The following CHEK2 variants were observed in gnomAD, a reference collection of about 807,000 sequenced individuals.
The protein encoded by CHEK2 is checkpoint kinase 2, also known as serine/threonine-protein kinase Chk2.
A neutral mutation model predicts 69.1 loss-of-function variants in CHEK2; 71 were observed. That is an observed-to-expected ratio of 1.03 (90% CI 0.85 to 1.25). The LOEUF (loss-of-function observed/expected upper bound fraction) is 1.25. Among genes scored for constraint, CHEK2 ranks in the 50% most tolerant of loss-of-function variants. The probability of loss-of-function intolerance (pLI) is 0.00; values close to 1 mark genes in which losing one functional copy is unlikely to be tolerated. For missense variants in CHEK2, 664 were observed against 649.6 expected, an observed-to-expected ratio of 1.02 and a Z score of -0.24; for synonymous variants, 189 against 226.9, an observed-to-expected ratio of 0.83 and a Z score of 1.50.
chr22:28,737,214 T>C, intron 1 of CHEK2: 1 of 457,110 alleles, frequency 2.2e-6, no homozygotes, highest in South Asian at 1.6e-5. Flanking sequence ...TGCACAACTT[T>C]CTTTTTCCTT....
At chr22:28,703,417 T>A (rs2052967979) in intron 8 of CHEK2, 88 bp downstream of exon 8, 6 of 768,288 alleles carry the variant, frequency 7.8e-6, no homozygotes, top group African/African-American at 3.5e-5. Context: ...CCCCCCAGGA[T>A]GAGAAAGGCA....
chr22:28,697,978 G>C lies in CHEK2; in HGVS notation c.1009-991C>G, dbSNP rs1324111938. Among the ~76,000 whole-genome samples the C allele has an allele frequency of 2.0e-5, 3 of 152,052 alleles. No individual in the cohort carries two copies. The East Asian group carries it at 5.8e-4, about 29-fold the overall frequency. ...ATAAATAAATGGAATAAACCAATAAGGGAGCAATACACTGAGTAGGTGACA... is the reference window on the plus strand; with the variant it reads ...ATAAATAAATGGAATAAACCAATAACGGAGCAATACACTGAGTAGGTGACA... On this transcript the variant is annotated intron_variant, in intron 9 of 14. Coordinates refer to ENST00000404276, the MANE Select transcript of CHEK2 (RefSeq NM_007194.4).
Position 28,695,794 on chromosome 22 carries a change from G to T in CHEK2, c.1175C>A (p.Ala392Glu), listed in dbSNP as rs373073383. ...RTLCGTPTYL[A>E]PEVLVSVGTA... is the part of the protein sequence containing the mutation. ...CCCAACAGAAACAAGAACTTCAGGC[G>T]CCAAGTAGGTGGGGGTTCCACATAA... Residue 392 changes from alanine to glutamate, a missense_variant, in exon 11 of 15, where the codon GCG becomes GAG. Transcript: ENST00000404276. 6.2e-7 allele frequency: 1 copy of T among 1,613,708 alleles called. No homozygotes were observed. The highest frequency in any genetic ancestry group is 1.1e-5 in the South Asian group (1 of 91,056).
intron 8 of CHEK2, 34 bp downstream of exon 8, chr22:28,703,471 G>A (rs2145876058): frequency 2.7e-6 from 3 of 1,127,780 alleles, no homozygotes; most frequent in African/African-American, 1.5e-5. Context: ...GCATTTGAAT[G>A]GAAACAGAAA....
At chr22:28,705,968 A>AAAAATAAACT (rs2053120698) in intron 7 of CHEK2, among the ~76,000 whole-genome samples, 1 of 147,414 alleles carries the variant, frequency 6.8e-6, no homozygotes, top group Non-Finnish European at 1.5e-5. Context: ...AACTAAACTA[A>AAAAATAAACT]AAACTAAACT....
At chr22:28,702,446 G>A (rs566644408) in intron 8 of CHEK2, among the ~76,000 whole-genome samples, 3 of 151,218 alleles carry the variant, frequency 2.0e-5, no homozygotes, top group Admixed American at 6.6e-5. Context: ...CACCGTGTTA[G>A]CCAGGATGGC....
At chr22:28,737,515 G>A (rs1242557476) in intron 1 of CHEK2, among the ~76,000 whole-genome samples, 2 of 150,826 alleles carry the variant, frequency 1.3e-5, no homozygotes, top group African/African-American at 4.9e-5. Context: ...AGTCACCCAG[G>A]CTGGAGTGCA....
intron 2 of CHEK2, among the ~76,000 whole-genome samples, chr22:28,733,085 C>T (rs1183894366): frequency 1.3e-5 from 2 of 152,296 alleles, no homozygotes; most frequent in Middle Eastern, 3.4e-3. Context: ...AGCCACCATG[C>T]CTGGCAATGT....
chr22:28,741,683 A>G (rs1470693269), intron 1 of CHEK2, 86 bp downstream of exon 1: 1 of 209,400 alleles, frequency 4.8e-6, no homozygotes, highest in Non-Finnish European at 9.9e-6. Flanking sequence ...AGACAAAGCG[A>G]AGCTCAGGAG....
At chr22:28,722,539 CAAAAAA>C (rs755107963) in intron 4 of CHEK2, among the ~76,000 whole-genome samples, 4 of 67,928 alleles carry the variant, frequency 5.9e-5, no homozygotes, top group Non-Finnish European at 9.0e-5. Context: ...GACTCCGTCT[CAAAAAA>C]AAAAAAAAAA....
intron 14 of CHEK2, among the ~76,000 whole-genome samples, chr22:28,688,666 C>G (rs1193692331): frequency 4.0e-5 from 6 of 151,028 alleles, no homozygotes; most frequent in Non-Finnish European, 7.4e-5. Flanking sequence ...AAGACTCTGT[C>G]TCAAGAAAAA....
intron 4 of CHEK2, among the ~76,000 whole-genome samples, chr22:28,721,903 TTA>T (rs1300296294): frequency 1.3e-5 from 2 of 151,722 alleles, no homozygotes; most frequent in East Asian, 2.0e-4. Flanking sequence ...GCTAATTTTT[TTA>T]TGTTTGGCAG....
At chr22:28,708,294 G>C (rs538520396) in intron 7 of CHEK2, among the ~76,000 whole-genome samples, 4 of 151,454 alleles carry the variant, frequency 2.6e-5, no homozygotes, top group African/African-American at 9.7e-5. Context: ...GGAGTTTGAG[G>C]CTGCAGTGAG....
At chr22:28,724,679 G>A in intron 4 of CHEK2, 1 of 390,856 alleles carries the variant, frequency 2.6e-6, no homozygotes, top group Non-Finnish European at 5.0e-6. Flanking sequence ...CGATTCTCCT[G>A]CCTCAGCCTC....
At position 28,687,932 on chromosome 22, in the gene CHEK2, T is replaced by C. The variant is rs562517792; in HGVS notation, c.1597A>G (p.Thr533Ala). 71 of 1,596,430 alleles carry C rather than the reference T, an allele frequency of 4.4e-5. No homozygotes were observed. In the East Asian group the frequency reaches 1.4e-3, roughly 32 times the overall value. The change falls in exon 15 of 15, where the codon ACA becomes GCA. Residue 533 changes from threonine to alanine, a missense_variant. Transcript: ENST00000404276. ...GCAGCACACACAGCTGGGCGCTTTGTGGTCTCGGCACCCTCGGCTTCCCCT... is the reference window on the plus strand; with the variant it reads ...GCAGCACACACAGCTGGGCGCTTTGCGGTCTCGGCACCCTCGGCTTCCCCT... ...REGEAEGAET[T>A]KRPAVCAAVL
rs587782347 is a variant in CHEK2, at chr22:28,699,915, C to T, written c.931G>A (p.Asp311Asn). The T allele has an allele frequency of 1.3e-5, 21 of 1,613,922 alleles. No individual in the cohort carries two copies. The Middle Eastern group carries it at 8.2e-4, about 63-fold the overall frequency. Residue 311 changes from aspartate to asparagine, a missense_variant, in exon 9 of 15, where the codon GAC becomes AAC. Transcript: ENST00000404276. The stretch of plus-strand genomic sequence containing the variant: ...AGGCGTTTATTCCCCACCACTTTGT[C>T]AAACAGCTCTCCCCCTTCCATCCTG... Reference protein sequence around the residue: ...LELMEGGELFDKVVGNKRLKE... With the variant: ...LELMEGGELFNKVVGNKRLKE...
chr22:28,720,390 CAA>C (rs960853254), intron 4 of CHEK2, among the ~76,000 whole-genome samples: 16 of 119,806 alleles, frequency 1.3e-4, no homozygotes, highest in Non-Finnish European at 9.0e-5. Context: ...TGTGCCCAGC[CAA>C]AAAAAAAAAA....
chr22:28,726,269 T>C (rs2054008702), intron 2 of CHEK2: 1 of 151,716 alleles, frequency 6.6e-6, no homozygotes, highest in Non-Finnish European at 1.5e-5. Flanking sequence ...CTCAGGAGGC[T>C]GAAGGAGGAG....
chr22:28,719,471 C>CA lies in CHEK2; in HGVS notation c.606dup (p.Asp203Ter), dbSNP rs886039609. On this transcript the variant is annotated frameshift_variant, in exon 5 of 15. Coordinates refer to ENST00000404276, the MANE Select transcript of CHEK2 (RefSeq NM_007194.4). LOFTEE classifies it high-confidence loss of function. ...ACTGACTGATCATCTACAGTCAGAT[C>CA]AAAAAAGACAAAAACTAAGGAAGAA... The CA allele has an allele frequency of 3.8e-6, 6 of 1,580,964 alleles. No homozygotes were observed. Among genetic ancestry groups the CA allele is most frequent in the Non-Finnish European group, 5.2e-6 (6 of 1,157,844 alleles).
Sources: allele counts gnomAD v4.1 joint callset (sites outside exome capture counted in the v4.1 genomes callset), GRCh38; gene constraint gnomAD v4.1.1; transcripts MANE v1.5; gene names NCBI Gene and HGNC (gene_info 2026-07-23, HGNC 2026-07-21).